ADAMTS12: variants seen among roughly 807,000 people sequenced by gnomAD.
ADAMTS12 encodes A disintegrin and metalloproteinase with thrombospondin motifs 12.
ADAMTS12 carries 118 observed loss-of-function variants against 167.8 expected under a neutral mutation model. The ratio of observed to expected loss-of-function variants is 0.70; its 90% CI spans 0.61 to 0.82. The LOEUF (loss-of-function observed/expected upper bound fraction) is 0.82. ADAMTS12 is among the 40% of genes least tolerant of loss of function. The probability of loss-of-function intolerance (pLI) is 0.00; values close to 1 mark genes in which losing one functional copy is unlikely to be tolerated. For synonymous variants in ADAMTS12, 704 were observed against 716.9 expected (o/e 0.98, Z 0.29); for missense variants, 1,916 against 1,998.8 (o/e 0.96, Z 0.79).
At chr5:33,631,017 G>A in intron 12 of ADAMTS12, 104 bp from the exon 13 acceptor site, 5 of 1,380,612 alleles carry the variant, frequency 3.6e-6, no homozygotes, top group Middle Eastern at 2.1e-4. Flanking sequence ...ATTTACTCTG[G>A]CAATCCCACC....
intron 3 of ADAMTS12, among the ~76,000 whole-genome samples, chr5:33,724,264 G>C (rs1579876126): frequency 6.6e-6 from 1 of 152,178 alleles, no homozygotes; most frequent in East Asian, 1.9e-4. Context: ...AAACAGAAAA[G>C]TGTGGAGAAA....
At chr5:33,545,417 T>C (rs1333794036) in intron 22 of ADAMTS12, among the ~76,000 whole-genome samples, 1 of 152,092 alleles carries the variant, frequency 6.6e-6, no homozygotes, top group Non-Finnish European at 1.5e-5. Context: ...TTGGTGGGAG[T>C]GTAAATTAGT....
chr5:33,826,646 G>A (rs914842355), intron 2 of ADAMTS12, among the ~76,000 whole-genome samples: 2 of 151,530 alleles, frequency 1.3e-5, no homozygotes, highest in Non-Finnish European at 2.9e-5. Flanking sequence ...AAATATTCTT[G>A]ATGAAAATGT....
At position 33,664,508 on chromosome 5, in the gene ADAMTS12, C is replaced by A. The variant is rs528688009; in HGVS notation, c.916-2468G>T. Among the ~76,000 whole-genome samples, 7 of 152,296 alleles carry A rather than the reference C, an allele frequency of 4.6e-5. No homozygotes were observed. In the East Asian group the frequency reaches 1.3e-3, roughly 29 times the overall value. ...GGGCAAAGGACCCGAATAGGTATTT[C>A]TCAATGGAAGACATACAAATGGCCA... is the stretch of plus-strand genomic sequence containing the variant. On this transcript the variant is annotated intron_variant, in intron 5 of 23. Coordinates refer to ENST00000504830, the MANE Select transcript of ADAMTS12 (RefSeq NM_030955.4).
chr5:33,890,644 A>G (rs796935947), intron 1 of ADAMTS12, among the ~76,000 whole-genome samples: 47 of 152,336 alleles, frequency 3.1e-4, no homozygotes, highest in African/African-American at 1.1e-3. Flanking sequence ...CAGCACAGTC[A>G]GCAAACACAG....
chr5:33,636,802 T>C (rs1231559419), intron 12 of ADAMTS12, among the ~76,000 whole-genome samples: 1 of 152,174 alleles, frequency 6.6e-6, no homozygotes, highest in African/African-American at 2.4e-5. Flanking sequence ...AACACAAATA[T>C]GTTTTTTGAT....
At chr5:33,752,461 T>C (rs1323823748) in intron 2 of ADAMTS12, among the ~76,000 whole-genome samples, 1 of 152,132 alleles carries the variant, frequency 6.6e-6, no homozygotes, top group African/African-American at 2.4e-5. Context: ...CTCCATGCAA[T>C]AGTGAGCAAG....
rs1265409496 is a variant in ADAMTS12 at position 33,611,036 on chromosome 5, G to C, written c.2527+3202C>G. On this transcript the variant is annotated intron_variant, in intron 16 of 23. Coordinates refer to ENST00000504830, the MANE Select transcript of ADAMTS12 (RefSeq NM_030955.4). ...GCCAAGATCGTGCCATCCCACTCCA[G>C]CCTGGGTGACAGAAAAAAAAAGTAC... Among the ~76,000 whole-genome samples the C allele has an allele frequency of 2.0e-5, 3 of 151,708 alleles. No homozygotes were observed. In the East Asian group the frequency reaches 5.8e-4, roughly 29 times the overall value.
At position 33,649,704 on chromosome 5, in the gene ADAMTS12, G is replaced by A; in HGVS notation, c.1191-7C>T. ...ATCATGCTGGATGCCGAAGCTGGCA[G>A]GGAAGAACCAAGCACAAGAAGAGCC... is the stretch of plus-strand genomic sequence containing the variant. On this transcript the variant is annotated splice_region_variant and splice_polypyrimidine_tract_variant and intron_variant, in intron 7 of 23. Transcript: ENST00000504830. 6.2e-7 allele frequency: 1 copy of A among 1,613,204 alleles called. No homozygotes were observed. Among genetic ancestry groups the A allele is most frequent in the Non-Finnish European group, 8.5e-7 (1 of 1,179,502 alleles).
At chr5:33,845,088 T>C (rs1748894755) in intron 2 of ADAMTS12, among the ~76,000 whole-genome samples, 2 of 152,234 alleles carry the variant, frequency 1.3e-5, no homozygotes, top group Non-Finnish European at 2.9e-5. Flanking sequence ...ACATGTATAT[T>C]AGTATATAGA....
At chr5:33,639,233 T>C (rs1305561157) in intron 11 of ADAMTS12, among the ~76,000 whole-genome samples, 1 of 152,168 alleles carries the variant, frequency 6.6e-6, no homozygotes, top group Non-Finnish European at 1.5e-5. Context: ...TCGTGAATAA[T>C]AATCAACCAG....
At chr5:33,757,809 G>A (rs1306210229) in intron 2 of ADAMTS12, among the ~76,000 whole-genome samples, 1 of 152,120 alleles carries the variant, frequency 6.6e-6, no homozygotes, top group African/African-American at 2.4e-5. Flanking sequence ...TAACTTGCAG[G>A]GTTATGACTA....
At chr5:33,687,852 C>A (rs1266153310) in intron 3 of ADAMTS12, among the ~76,000 whole-genome samples, 4 of 152,172 alleles carry the variant, frequency 2.6e-5, no homozygotes, top group African/African-American at 9.7e-5. Flanking sequence ...AAGCTGATGA[C>A]AAAGACAGCT....
At chr5:33,655,615 T>TAG (rs1561197357) in intron 7 of ADAMTS12, among the ~76,000 whole-genome samples, 15 of 144,722 alleles carry the variant, frequency 1.0e-4, no homozygotes, top group East Asian at 6.1e-4. Flanking sequence ...ACTTTTTTTT[T>TAG]TTTAGTTTTA....
At chr5:33,683,145 A>G in intron 4 of ADAMTS12, 44 bp from the exon 5 acceptor site, 1 of 1,406,162 alleles carries the variant, frequency 7.1e-7, no homozygotes, top group Non-Finnish European at 1.0e-6. Context: ...ACGAAGAGAT[A>G]ATAAATAAAT....
At chr5:33,687,811 A>G (rs1255656147) in intron 3 of ADAMTS12, among the ~76,000 whole-genome samples, 1 of 152,154 alleles carries the variant, frequency 6.6e-6, no homozygotes, top group Non-Finnish European at 1.5e-5. Context: ...TTCAGAAAGT[A>G]CAAGAAACCA....
chr5:33,697,407 C>T (rs1001580686), intron 3 of ADAMTS12, among the ~76,000 whole-genome samples: 7 of 152,168 alleles, frequency 4.6e-5, no homozygotes, highest in Non-Finnish European at 1.0e-4. Flanking sequence ...TTCCCGTTGC[C>T]ATGCCAGGCC....
rs537395430 is a variant in ADAMTS12, at chr5:33,741,995, C to T, written c.634+9409G>A. Among the ~76,000 whole-genome samples, 102 of 152,266 alleles carry T rather than the reference C, an allele frequency of 6.7e-4. 1 individual carries two copies. The South Asian group carries it at 0.021, about 31-fold the overall frequency. ...TGCTATATACTCTTACAGCATTTGT[C>T]ACAATGTTCATGCATACGATTTTGT... On this transcript the variant is annotated intron_variant, in intron 3 of 23. Transcript: ENST00000504830.
chr5:33,727,956 T>A (rs1744046022), intron 3 of ADAMTS12, among the ~76,000 whole-genome samples: 1 of 152,226 alleles, frequency 6.6e-6, no homozygotes, highest in Non-Finnish European at 1.5e-5. Flanking sequence ...ACGCTCAGCA[T>A]CTTTAATGCA....
Sources: gnomAD v4.1 joint callset for allele counts (sites outside exome capture counted in the v4.1 genomes callset) on GRCh38, gnomAD v4.1.1 for gene constraint, MANE v1.5 for transcripts, NCBI Gene and HGNC (gene_info 2026-07-23, HGNC 2026-07-21) for gene names.